COL22A1: variants seen among roughly 807,000 people sequenced by gnomAD.
COL22A1 encodes the protein collagen alpha-1(XXII) chain.
A neutral mutation model predicts 248.9 loss-of-function variants in COL22A1; 221 were observed. The ratio of observed to expected loss-of-function variants is 0.89; its 90% CI spans 0.80 to 0.99. COL22A1 has a LOEUF of 0.99. COL22A1 is among the 50% of genes least tolerant of loss of function. The pLI is 0.00. For synonymous variants in COL22A1, 891 were observed against 793.4 expected, an observed-to-expected ratio of 1.12 and a Z score of -2.07; for missense variants, 2,240 against 2,179.0, an observed-to-expected ratio of 1.03 and a Z score of -0.56.
At chr8:138,866,951 A>G (rs1430212351) in intron 3 of COL22A1, among the ~76,000 whole-genome samples, 1 of 152,182 alleles carries the variant, frequency 6.6e-6, no homozygotes, top group African/African-American at 2.4e-5. Flanking sequence ...TCCAGGGAGG[A>G]AACTGAGGCC....
At chr8:138,714,920 C>T (rs574559801) in intron 30 of COL22A1, among the ~76,000 whole-genome samples, 3 of 152,212 alleles carry the variant, frequency 2.0e-5, no homozygotes, top group East Asian at 1.9e-4. Context: ...TTGCTCAGCT[C>T]GTTCTTCACA....
intron 5 of COL22A1, among the ~76,000 whole-genome samples, chr8:138,829,808 T>C (rs1018426211): frequency 1.1e-4 from 17 of 152,208 alleles, no homozygotes; most frequent in African/African-American, 4.1e-4. Flanking sequence ...TTTCTTCTTA[T>C]ACCTTTGAAA....
At chr8:138,768,030 CAGG>C (rs1834044261) in intron 16 of COL22A1, among the ~76,000 whole-genome samples, 1 of 152,210 alleles carries the variant, frequency 6.6e-6, no homozygotes, top group Non-Finnish European at 1.5e-5. Context: ...CAGGATGGCC[CAGG>C]TGTCCCTGTG....
At chr8:138,885,494 G>A (rs1445388165) in intron 1 of COL22A1, among the ~76,000 whole-genome samples, 2 of 152,154 alleles carry the variant, frequency 1.3e-5, no homozygotes, top group African/African-American at 4.8e-5. Context: ...TCCCTGGAGG[G>A]TTAAGTCTAG....
At chr8:138,805,932 CTGTG>C (rs200340398) in intron 10 of COL22A1, among the ~76,000 whole-genome samples, 1 of 112,456 alleles carries the variant, frequency 8.9e-6, no homozygotes, top group African/African-American at 3.5e-5. Context: ...CGGTGTGTGA[CTGTG>C]TGTGTGATGG....
chr8:138,646,355 T>A (rs1249957559), intron 47 of COL22A1, among the ~76,000 whole-genome samples: 2 of 152,182 alleles, frequency 1.3e-5, no homozygotes, highest in Non-Finnish European at 2.9e-5. Context: ...ACAAAACTCA[T>A]GTCTTAACCA....
At position 138,589,369 on chromosome 8, in the gene COL22A1, G is replaced by A. The variant is rs139658465; in HGVS notation, c.4765C>T (p.Pro1589Ser). ...CCTGGGAGGCCAGGATGTCCAGCTG[G>A]TCCTGTCTCCCCTTGAGGGCCAGGG... Reference protein sequence around the residue: ...GIPGPQGETGPAGHPGLPGPP... With the variant: ...GIPGPQGETGSAGHPGLPGPP... The change falls in exon 65 of 65, where the codon CCA (proline) becomes TCA (serine). Residue 1589 changes from proline (P) to serine (S), a missense_variant. Physicochemically the swap from Pro to Ser is moderately conservative, Grantham distance 74. Coordinates refer to ENST00000303045, the MANE Select transcript of COL22A1 (RefSeq NM_152888.3). 67 of 1,609,828 alleles carry A rather than the reference G, an allele frequency of 4.2e-5. No homozygotes were observed. The highest frequency in any genetic ancestry group is 5.6e-5 in the Non-Finnish European group (66 of 1,178,012).
chr8:138,747,879 A>C (rs74751313), intron 22 of COL22A1, among the ~76,000 whole-genome samples: 3,177 of 152,306 alleles, frequency 0.021, 112 homozygotes, highest in African/African-American at 0.072. Flanking sequence ...GGAAAAGGGA[A>C]CACAAGAGGA....
intron 5 of COL22A1, among the ~76,000 whole-genome samples, chr8:138,830,728 C>G (rs1027156470): frequency 1.3e-5 from 2 of 152,178 alleles, no homozygotes; most frequent in African/African-American, 4.8e-5. Context: ...ATTTGTGTAA[C>G]TTTTGCTTTC....
Position 138,685,293 on chromosome 8 carries a change from C to T in COL22A1, c.2882G>A (p.Gly961Asp). Reference protein sequence around the residue: ...RGEKGAAGEEGSPGPVGPRGD... With the variant: ...RGEKGAAGEEDSPGPVGPRGD... ...CCTGGGACCAACTGGCCCTGGGCTG[C>T]CTTCTTCCCCCGCTGCACCCTGGAA... The change falls in exon 38 of 65, where the codon GGC becomes GAC. Residue 961 changes from glycine to aspartate, a missense_variant. Gly to Asp is a moderately conservative substitution (Grantham distance 94). Transcript: ENST00000303045. The T allele has an allele frequency of 6.2e-7, 1 of 1,613,818 alleles. No homozygotes were observed.
At chr8:138,590,723 CA>C (rs1263896165) in intron 64 of COL22A1, among the ~76,000 whole-genome samples, 1 of 152,160 alleles carries the variant, frequency 6.6e-6, no homozygotes, top group African/African-American at 2.4e-5. Context: ...CCTCAAAAGT[CA>C]AATTTCTTCT....
chr8:138,852,772 A>G (rs1821739056), intron 3 of COL22A1, among the ~76,000 whole-genome samples: 1 of 152,016 alleles, frequency 6.6e-6, no homozygotes, highest in African/African-American at 2.4e-5. Flanking sequence ...AGGGAGAGGG[A>G]GGTCCGCAGT....
chr8:138,598,129 C>G (rs1014356760), intron 61 of COL22A1, among the ~76,000 whole-genome samples: 3 of 152,146 alleles, frequency 2.0e-5, no homozygotes, highest in Non-Finnish European at 1.5e-5. Context: ...ATGCCTGTGT[C>G]ATGAGATTGT....
intron 45 of COL22A1, among the ~76,000 whole-genome samples, chr8:138,651,403 G>A (rs1178949654): frequency 1.3e-5 from 2 of 152,166 alleles, no homozygotes; most frequent in Admixed American, 1.3e-4. Flanking sequence ...AATGAATCAG[G>A]CATCCCAACT....
chr8:138,595,757 G>A (rs538476600), intron 62 of COL22A1, among the ~76,000 whole-genome samples: 6 of 152,106 alleles, frequency 3.9e-5, no homozygotes, highest in African/African-American at 7.2e-5. Flanking sequence ...ACAGACTCTC[G>A]CAATGGGAGG....
intron 8 of COL22A1, 151 bp from the exon 9 acceptor site, chr8:138,812,072 G>A: frequency 3.1e-6 from 3 of 960,760 alleles, no homozygotes; most frequent in Non-Finnish European, 4.6e-6. Flanking sequence ...GGGGCAGAAA[G>A]CCTGGCCGGC....
Position 138,833,059 on chromosome 8 carries a change from G to A in COL22A1, c.825C>T (p.Phe275=), listed in dbSNP as rs1288605792. 3 of 1,612,308 alleles carry A rather than the reference G, an allele frequency of 1.9e-6. No homozygotes were observed. The Admixed American group carries it at 5.0e-5, about 27-fold the overall frequency. The change falls in exon 5 of 65, where the codon TTC becomes TTT. Residue 275 remains phenylalanine, a synonymous_variant. Transcript: ENST00000303045. ...AQSSYVRMGS[F]PVVQSTEDVF... is the part of the protein sequence containing the mutation. ...CTCACTCAGTACTTTGCACCACAGG[G>A]AAGGATCCCATCCGTACATAGGAAC...
At chr8:138,864,675 C>T (rs1231175450) in intron 3 of COL22A1, among the ~76,000 whole-genome samples, 3 of 152,110 alleles carry the variant, frequency 2.0e-5, no homozygotes, top group Non-Finnish European at 2.9e-5. Flanking sequence ...TGGTTAGGGC[C>T]GATCGGAGTG....
chr8:138,874,754 C>T lies in COL22A1; in HGVS notation c.658+2996G>A, dbSNP rs555240797. Among the ~76,000 whole-genome samples the T allele has an allele frequency of 5.3e-5, 8 of 152,268 alleles. 2 individuals carry two copies. The highest frequency in any genetic ancestry group is 3.9e-4 in the Admixed American group (6 of 15,294). ...TTGGCCTTGCTTGGCTGGTTTCAGA[C>T]GGGGTCAGGCTAGTGGAAGAACAGC... On this transcript the variant is annotated intron_variant, in intron 3 of 64. Coordinates refer to ENST00000303045, the MANE Select transcript of COL22A1 (RefSeq NM_152888.3).
Sources: gnomAD v4.1 joint callset for allele counts (sites outside exome capture counted in the v4.1 genomes callset) on GRCh38, gnomAD v4.1.1 for gene constraint, MANE v1.5 for transcripts, NCBI Gene and HGNC (gene_info 2026-07-23, HGNC 2026-07-21) for gene names.